The following ERC2 variants were observed in gnomAD, a reference collection of about 807,000 sequenced individuals.
The protein encoded by ERC2 is ELKS/RAB6-interacting/CAST family member 2.
In ERC2, 42 loss-of-function variants were observed where a neutral mutation model predicts 114.8. The ratio of observed to expected loss-of-function variants is 0.37; its 90% CI spans 0.29 to 0.47. The LOEUF is 0.47. Ranked by LOEUF, ERC2 falls within the 20% of genes least tolerant of loss-of-function variation. The probability of loss-of-function intolerance (pLI) is 0.99; values close to 1 mark genes in which losing one functional copy is unlikely to be tolerated. For missense variants in ERC2, 939 were observed against 1,150.7 expected (o/e 0.82, Z 2.66); for synonymous variants, 454 against 425.5 (o/e 1.07, Z -0.82).
intron 17 of ERC2, among the ~76,000 whole-genome samples, chr3:55,522,196 G>T (rs139517824): frequency 3.7e-4 from 56 of 152,116 alleles, no homozygotes; most frequent in African/African-American, 9.2e-4. Flanking sequence ...GTCTTCTCTG[G>T]GGGGAGGGGA....
chr3:56,218,478 A>T (rs150565527), intron 3 of ERC2, among the ~76,000 whole-genome samples: 15 of 151,228 alleles, frequency 9.9e-5, no homozygotes, highest in Admixed American at 1.3e-4. Context: ...ATCATTAAAA[A>T]GTCAGGGAAC....
At chr3:56,151,690 A>T (rs1289904971) in intron 4 of ERC2, among the ~76,000 whole-genome samples, 1 of 152,226 alleles carries the variant, frequency 6.6e-6, no homozygotes, top group Non-Finnish European at 1.5e-5. Context: ...AATCGCTAAC[A>T]CTAAGATACA....
intron 3 of ERC2, among the ~76,000 whole-genome samples, chr3:56,226,295 G>A (rs1485677): frequency 0.58 from 87,678 of 151,972 alleles, 25,920 homozygotes; most frequent in East Asian, 0.85. Context: ...GCAAGGAACC[G>A]AGTTTTGTTT....
intron 2 of ERC2, among the ~76,000 whole-genome samples, chr3:56,344,867 G>A (rs188289020): frequency 2.5e-4 from 38 of 152,268 alleles, no homozygotes; most frequent in Non-Finnish European, 3.8e-4. Context: ...CACAGCATCT[G>A]CTACAGGAAA....
chr3:55,997,924 TTTTTG>T (rs2071708405), intron 10 of ERC2, among the ~76,000 whole-genome samples: 3 of 64,964 alleles, frequency 4.6e-5, no homozygotes, highest in Non-Finnish European at 8.9e-5. Flanking sequence ...GTGTGTGTGT[TTTTTG>T]TTTTTTTTTT....
chr3:55,954,354 T>G (rs2067798511), intron 12 of ERC2, among the ~76,000 whole-genome samples: 1 of 152,142 alleles, frequency 6.6e-6, no homozygotes, highest in African/African-American at 2.4e-5. Context: ...TCCAACAGGT[T>G]CAAGGTCAAC....
chr3:56,311,299 A>G lies in ERC2; in HGVS notation c.658-14864T>C, dbSNP rs189366292. ...TATATATATATATATATACACACATATATATAATTTTTTTTTTTAAGACAG... is the reference window on the plus strand; with the variant it reads ...TATATATATATATATATACACACATGTATATAATTTTTTTTTTTAAGACAG... On this transcript the variant is annotated intron_variant, in intron 2 of 17. Transcript: ENST00000288221. Among the ~76,000 whole-genome samples the G allele has an allele frequency of 8.8e-3, 1,221 of 138,682 alleles. 36 individuals are homozygous for G. Among genetic ancestry groups the G allele is most frequent in the African/African-American group, 0.03 (1,112 of 37,054 alleles). 91.0% of individuals were successfully genotyped at this position (138,682 alleles called of 152,430 possible).
At chr3:55,819,009 A>G (rs945419708) in intron 14 of ERC2, among the ~76,000 whole-genome samples, 2 of 152,196 alleles carry the variant, frequency 1.3e-5, no homozygotes, top group Non-Finnish European at 2.9e-5. Flanking sequence ...GGTGCAAGCT[A>G]GTGTGGGTCA....
At position 56,274,139 on chromosome 3, in the gene ERC2, C is replaced by A. The variant is rs1031283316; in HGVS notation, c.1074+21880G>T. ...GCAGAGGGCAAGGGAGCATTACCGCCTGAGCTCCCCCTGCTATCAGCTCAG... is the reference window on the plus strand; with the variant it reads ...GCAGAGGGCAAGGGAGCATTACCGCATGAGCTCCCCCTGCTATCAGCTCAG... On this transcript the variant is annotated intron_variant, in intron 3 of 17. Coordinates refer to ENST00000288221, the MANE Select transcript of ERC2 (RefSeq NM_015576.3). 3.3e-5 allele frequency among the ~76,000 whole-genome samples: 5 copies of A among 152,318 alleles called. No homozygotes were observed. In the South Asian group the frequency reaches 1.0e-3, roughly 32 times the overall value.
chr3:55,655,581 C>T (rs2060821097), intron 17 of ERC2, among the ~76,000 whole-genome samples: 1 of 152,156 alleles, frequency 6.6e-6, no homozygotes, highest in South Asian at 2.1e-4. Context: ...ACTTGTGATG[C>T]CCCTCTAACC....
chr3:56,330,296 C>A (rs538030527), intron 2 of ERC2, among the ~76,000 whole-genome samples: 1 of 152,168 alleles, frequency 6.6e-6, no homozygotes, highest in African/African-American at 2.4e-5. Context: ...GCCTCAGCCT[C>A]CCAAAGTGCT....
At chr3:55,943,308 G>A (rs2066920927) in intron 13 of ERC2, among the ~76,000 whole-genome samples, 1 of 152,058 alleles carries the variant, frequency 6.6e-6, no homozygotes, top group Non-Finnish European at 1.5e-5. Context: ...TGCCTTCACC[G>A]TATTTACTTT....
intron 14 of ERC2, among the ~76,000 whole-genome samples, chr3:55,799,104 G>A (rs541984222): frequency 1.3e-5 from 2 of 151,958 alleles, no homozygotes; most frequent in East Asian, 3.9e-4. Context: ...GGGCTAGTAG[G>A]GGCCATGTAC....
chr3:56,163,756 G>A (rs1469559467), intron 4 of ERC2, among the ~76,000 whole-genome samples: 1 of 152,082 alleles, frequency 6.6e-6, no homozygotes, highest in African/African-American at 2.4e-5. Context: ...GCCTATGTGT[G>A]TTGTTACATG....
At chr3:55,941,806 C>T (rs2066815645) in intron 13 of ERC2, among the ~76,000 whole-genome samples, 2 of 152,116 alleles carry the variant, frequency 1.3e-5, no homozygotes, top group East Asian at 3.8e-4. Flanking sequence ...TATTTATTAT[C>T]TAAAGAGTCC....
chr3:55,896,010 A>C (rs1483452971), intron 13 of ERC2, among the ~76,000 whole-genome samples: 1 of 152,158 alleles, frequency 6.6e-6, no homozygotes, highest in African/African-American at 2.4e-5. Context: ...AGTTTCACAG[A>C]GACACAATAA....
intron 1 of ERC2, among the ~76,000 whole-genome samples, chr3:56,455,768 G>A (rs994920089): frequency 1.3e-5 from 2 of 152,144 alleles, no homozygotes; most frequent in Admixed American, 1.3e-4. Flanking sequence ...TTCAGGAAGA[G>A]ACTAAAAAAA....
rs115104221 is a variant in ERC2 at position 55,598,570 on chromosome 3, T to C, written c.*39+85224A>G. ...AGTCAACTTGATTCTTTTGCACTGC[T>C]TTGCAAGCTTTGCTCGAGAAACTGG... On this transcript the variant is annotated intron_variant, in intron 17 of 17. Transcript: ENST00000288221. 6.4e-3 allele frequency among the ~76,000 whole-genome samples: 975 copies of C among 152,374 alleles called. 11 individuals carry two copies. Among genetic ancestry groups the C allele is most frequent in the African/African-American group, 0.022 (925 of 41,598 alleles).
chr3:55,947,260 CCCTCAACTATAT>C (rs149498444), intron 13 of ERC2, among the ~76,000 whole-genome samples: 14,214 of 152,114 alleles, frequency 0.093, 918 homozygotes, highest in East Asian at 0.25. Context: ...CTCCCCACCA[CCCTCAACTATAT>C]CCACACACTA....
Sources: gnomAD v4.1 joint callset for allele counts (sites outside exome capture counted in the v4.1 genomes callset) on GRCh38, gnomAD v4.1.1 for gene constraint, MANE v1.5 for transcripts, NCBI Gene and HGNC (gene_info 2026-07-23, HGNC 2026-07-21) for gene names.